The following BMPER variants were observed in gnomAD, a reference collection of about 807,000 sequenced individuals.
BMPER encodes BMP-binding endothelial regulator protein.
In BMPER, 45 loss-of-function variants were observed where a neutral mutation model predicts 87.3. The ratio of observed to expected loss-of-function variants is 0.52; its 90% confidence interval spans 0.41 to 0.66. The LOEUF (loss-of-function observed/expected upper bound fraction) is 0.66. BMPER is among the 30% of genes least tolerant of loss of function. BMPER has a pLI of 0.00. For missense variants in BMPER, 784 were observed against 867.5 expected (o/e 0.90, Z 1.21); for synonymous variants, 326 against 316.2 (o/e 1.03, Z -0.33).
intron 6 of BMPER, among the ~76,000 whole-genome samples, chr7:34,039,900 G>C (rs1787791524): frequency 6.6e-6 from 1 of 151,970 alleles, no homozygotes; most frequent in African/African-American, 2.4e-5. Context: ...GGTCTCATCA[G>C]GAGGCATAAA....
chr7:34,046,542 A>G lies in BMPER; in HGVS notation c.676+137A>G, dbSNP rs183390017. The stretch of plus-strand genomic sequence containing the variant: ...CTTGTTAGAGACAACTCCCTCTTCT[A>G]ATTACAGAAGTGGAAGGTGTGTACA... On this transcript the variant is annotated intron_variant, in intron 7 of 14. Transcript: ENST00000649409. 3.1e-3 allele frequency: 2,780 copies of G among 891,968 alleles called. 8 individuals are homozygous for G. Among genetic ancestry groups the G allele is most frequent in the Admixed American group, 5.6e-3 (286 of 51,050 alleles). The allele number at this position is 891,968 out of a possible 1,614,324, so 55.3% of individuals were successfully genotyped here.
chr7:33,955,192 T>C (rs966201429), intron 3 of BMPER, among the ~76,000 whole-genome samples: 2 of 152,216 alleles, frequency 1.3e-5, no homozygotes, highest in African/African-American at 4.8e-5. Context: ...CCACTGTGCC[T>C]GGCCAAGGCC....
chr7:34,115,307 C>G (rs1790083642), intron 13 of BMPER, among the ~76,000 whole-genome samples: 1 of 152,110 alleles, frequency 6.6e-6, no homozygotes, highest in Non-Finnish European at 1.5e-5. Flanking sequence ...GGCATTGGTT[C>G]TTTAAAAACT....
chr7:33,934,507 T>C (rs1398025057), intron 2 of BMPER, among the ~76,000 whole-genome samples: 8 of 146,372 alleles, frequency 5.5e-5, no homozygotes, highest in Non-Finnish European at 1.0e-4. Flanking sequence ...GTTTGTTCTA[T>C]GTGTGTGTAC....
At chr7:33,913,507 C>G (rs929407513) in intron 2 of BMPER, among the ~76,000 whole-genome samples, 3 of 152,070 alleles carry the variant, frequency 2.0e-5, no homozygotes, top group African/African-American at 7.2e-5. Context: ...CAGGTGAGAG[C>G]AAGCAGCCTG....
chr7:34,019,111 G>A (rs1036741900), intron 6 of BMPER, among the ~76,000 whole-genome samples: 21 of 151,978 alleles, frequency 1.4e-4, no homozygotes, highest in Non-Finnish European at 2.5e-4. Flanking sequence ...TGATCTTTGG[G>A]GAATGAGCAT....
At chr7:34,133,588 C>G (rs989851686) in intron 13 of BMPER, among the ~76,000 whole-genome samples, 2 of 152,088 alleles carry the variant, frequency 1.3e-5, no homozygotes, top group African/African-American at 4.8e-5. Context: ...TAACTGGATC[C>G]AAGAAGGGGG....
chr7:34,061,576 A>G (rs939952939), intron 10 of BMPER, among the ~76,000 whole-genome samples: 1 of 152,180 alleles, frequency 6.6e-6, no homozygotes, highest in African/African-American at 2.4e-5. Context: ...AAGCTTCTCC[A>G]ACAAGCAAAG....
At chr7:34,054,180 A>G (rs1368368129) in intron 8 of BMPER, among the ~76,000 whole-genome samples, 14 of 152,208 alleles carry the variant, frequency 9.2e-5, no homozygotes, top group Admixed American at 9.2e-4. Flanking sequence ...CCTTGAGGAC[A>G]GAAGTACATT....
At chr7:33,971,817 T>A (rs2128619008) in intron 5 of BMPER, among the ~76,000 whole-genome samples, 1 of 152,364 alleles carries the variant, frequency 6.6e-6, no homozygotes, top group East Asian at 1.9e-4. Flanking sequence ...TAACAGAGCA[T>A]ATTTTATACA....
chr7:34,105,841 T>C (rs1360540752), intron 13 of BMPER, among the ~76,000 whole-genome samples: 1 of 152,188 alleles, frequency 6.6e-6, no homozygotes, highest in Non-Finnish European at 1.5e-5. Flanking sequence ...TGCCCTTTAC[T>C]GGATCACGGG....
intron 6 of BMPER, among the ~76,000 whole-genome samples, chr7:34,041,212 T>G (rs1200613345): frequency 6.6e-6 from 1 of 152,182 alleles, no homozygotes; most frequent in Non-Finnish European, 1.5e-5. Context: ...GCAATTTCTT[T>G]AAGGCTTAGA....
intron 6 of BMPER, among the ~76,000 whole-genome samples, chr7:34,024,861 A>G (rs1248629004): frequency 1.3e-5 from 2 of 152,042 alleles, no homozygotes; most frequent in Non-Finnish European, 2.9e-5. Context: ...ATTTTATGCA[A>G]TGAACTTGTT....
intron 6 of BMPER, among the ~76,000 whole-genome samples, chr7:34,005,692 G>A (rs561066307): frequency 4.1e-4 from 62 of 151,880 alleles, no homozygotes; most frequent in African/African-American, 1.1e-3. Flanking sequence ...GGTGTGAGCC[G>A]CTGCTCTTGG....
chr7:33,976,302 G>A (rs1043130197), intron 6 of BMPER, among the ~76,000 whole-genome samples: 7 of 151,958 alleles, frequency 4.6e-5, no homozygotes, highest in South Asian at 2.1e-4. Context: ...ACAGGTGTGC[G>A]CCACCAGGCC....
rs925435137 is a variant in BMPER, at chr7:34,154,507, C to T, written c.*1234C>T. 1.3e-5 allele frequency: 2 copies of T among 152,222 alleles called. No individual in the cohort carries two copies. The highest frequency in any genetic ancestry group is 2.4e-5 in the African/African-American group (1 of 41,454). 9.4% of individuals were successfully genotyped at this position (152,222 alleles called of 1,614,324 possible). The stretch of plus-strand genomic sequence containing the variant: ...TAAGATGTAAAACAATGCATTTTCT[C>T]TCTCAAGATGTCCTGTGTTATACTT... On this transcript the variant is annotated 3_prime_UTR_variant, in exon 15 of 15. Transcript: ENST00000649409.
chr7:34,104,029 C>G (rs1271271413), intron 13 of BMPER, among the ~76,000 whole-genome samples: 1 of 152,230 alleles, frequency 6.6e-6, no homozygotes, highest in East Asian at 1.9e-4. Flanking sequence ...CCACATTGTA[C>G]TCCATCCAGT....
At chr7:34,114,273 G>A (rs1790055502) in intron 13 of BMPER, among the ~76,000 whole-genome samples, 1 of 152,160 alleles carries the variant, frequency 6.6e-6, no homozygotes, top group African/African-American at 2.4e-5. Context: ...GCCAGCCAAG[G>A]ACCTATGCCG....
At position 34,008,684 on chromosome 7, in the gene BMPER, G is replaced by T. The variant is rs536108912; in HGVS notation, c.576+33900G>T. ...TAGCCCCTCAAGAATGACATTCAATGTTACTGGTGTCTTTCTCAAGTTGTT... is the reference window on the plus strand; with the variant it reads ...TAGCCCCTCAAGAATGACATTCAATTTTACTGGTGTCTTTCTCAAGTTGTT... On this transcript the variant is annotated intron_variant, in intron 6 of 14. Coordinates refer to ENST00000649409, the MANE Select transcript of BMPER (RefSeq NM_001365308.1). Among the ~76,000 whole-genome samples the T allele has an allele frequency of 2.0e-5, 3 of 151,970 alleles. No homozygotes were observed. In the South Asian group the frequency reaches 6.2e-4, roughly 32 times the overall value.
Sources: gnomAD v4.1 joint callset for allele counts (sites outside exome capture counted in the v4.1 genomes callset) on GRCh38, gnomAD v4.1.1 for gene constraint, MANE v1.5 for transcripts, NCBI Gene and HGNC (gene_info 2026-07-23, HGNC 2026-07-21) for gene names.